Variants in GRIN3B observed in about 807,000 individuals in gnomAD.
GRIN3B encodes the protein glutamate receptor ionotropic, NMDA 3B.
Under a neutral mutation model 66.0 loss-of-function variants are expected in GRIN3B, and 77 were observed. The ratio of observed to expected loss-of-function variants is 1.17; its 90% CI spans 0.97 to 1.41. The LOEUF is 1.41. GRIN3B is among the 40% of genes most tolerant of loss of function. The pLI, the probability that GRIN3B is intolerant of heterozygous loss-of-function variation, is 0.00. For missense variants in GRIN3B, 1,787 were observed against 1,564.5 expected (o/e 1.14, Z -2.40); for synonymous variants, 823 against 749.7 (o/e 1.10, Z -1.60).
chr19:1,000,911 C>G (rs925376109), intron 1 of GRIN3B, 48 bp downstream of exon 1: 2 of 1,339,340 alleles, frequency 1.5e-6, no homozygotes, highest in Non-Finnish European at 1.9e-6. Flanking sequence ...GGGGCGGGAG[C>G]GGGGTCGGGA....
chr19:1,000,725 G>A lies in GRIN3B; in HGVS notation c.288G>A (p.Val96=), dbSNP rs532635834. The A allele has an allele frequency of 0.01, 14,766 of 1,427,442 alleles. 101 individuals carry two copies. Among genetic ancestry groups the A allele is most frequent in the Non-Finnish European group, 0.01 (11,432 of 1,093,362 alleles). The allele number at this position is 1,427,442 out of a possible 1,614,324, so 88.4% of individuals were successfully genotyped here. A position where few individuals can be genotyped will look rare whatever the true frequency, so the allele number is the denominator to read the frequency against. ...SLTRGLCQAL[V]PPGVAALLAF... ...CCCGCGGCCTGTGCCAGGCGCTGGT[G>A]CCTCCGGGCGTGGCGGCCCTGCTCG... Residue 96 remains valine, a synonymous_variant, in exon 1 of 9, where the codon GTG becomes GTA. Coordinates refer to ENST00000234389, the MANE Select transcript of GRIN3B (RefSeq NM_138690.3).
rs11671828 is a variant in GRIN3B, at chr19:1,005,599, T to C, written c.2052+46T>C. On this transcript the variant is annotated intron_variant, in intron 3 of 8. Transcript: ENST00000234389. This position sits in a 1 kb window ranked among gnomAD's most constrained non-coding sequence, Gnocchi z 5.2. Reference sequence around the variant, plus strand: ...GCGGGTGGCCTTGGGGGGCTAGCGGTGGCCCCGGGCTGGGCTGTGTGGGGC... The same window carrying C: ...GCGGGTGGCCTTGGGGGGCTAGCGGCGGCCCCGGGCTGGGCTGTGTGGGGC... 0.37 allele frequency: 542,279 copies of C among 1,463,642 alleles called. 102,587 individuals carry two copies. Among genetic ancestry groups the C allele is most frequent in the Non-Finnish European group, 0.38 (420,601 of 1,092,840 alleles). The allele number at this position is 1,463,642 out of a possible 1,614,324, so 90.7% of individuals were successfully genotyped here. A position where few individuals can be genotyped will look rare whatever the true frequency, so the allele number is the denominator to read the frequency against.
chr19:1,005,647 A>G lies in GRIN3B; in HGVS notation c.2052+94A>G, dbSNP rs2038741351. 1.0e-6 allele frequency: 1 copy of G among 974,206 alleles called. No individual in the cohort carries two copies. The highest frequency in any genetic ancestry group is 1.7e-5 in the South Asian group (1 of 58,504). The allele number at this position is 974,206 out of a possible 1,614,324, so 60.3% of individuals were successfully genotyped here. ...GGCAGGGGTGGTCAGCTGGACGTGG[A>G]GGACGTCCACTAGGCCAACTCTGGT... is the stretch of plus-strand genomic sequence containing the variant. On this transcript the variant is annotated intron_variant, in intron 3 of 8. Transcript: ENST00000234389. This position sits in a 1 kb window ranked among gnomAD's most constrained non-coding sequence, Gnocchi z 5.2.
Position 1,000,792 on chromosome 19 carries a change from C to T in GRIN3B, c.355C>T (p.Leu119=), listed in dbSNP as rs1362248341. ...GCCCGAGCTGCTGCAGCTGCACTTC[C>T]TGGCGGCGGCCACCGAGACCCCCGT... is the stretch of plus-strand genomic sequence containing the variant. ...ARPELLQLHF[L]AAATETPVLS... The change falls in exon 1 of 9, where the codon CTG becomes TTG. Residue 119 remains leucine (L), a synonymous_variant. Coordinates refer to ENST00000234389, the MANE Select transcript of GRIN3B (RefSeq NM_138690.3). 7.0e-7 allele frequency: 1 copy of T among 1,435,908 alleles called. No individual in the cohort carries two copies. The highest frequency in any genetic ancestry group is 2.9e-5 in the Admixed American group (1 of 34,562). The allele number at this position is 1,435,908 out of a possible 1,614,324, so 88.9% of individuals were successfully genotyped here.
rs376554166 is a variant in GRIN3B at position 1,008,817 on chromosome 19, C to G, written c.2631+35C>G. ...GGGTGGGCGGCGGGCGGCCCCACCCCCCCCGCCTCCTCGCCAACCGGGTCT... is the reference window on the plus strand; with the variant it reads ...GGGTGGGCGGCGGGCGGCCCCACCCGCCCCGCCTCCTCGCCAACCGGGTCT... On this transcript the variant is annotated intron_variant, in intron 7 of 8. Coordinates refer to ENST00000234389, the MANE Select transcript of GRIN3B (RefSeq NM_138690.3). 126 of 1,591,438 alleles carry G rather than the reference C, an allele frequency of 7.9e-5. No homozygotes were observed. The African/African-American group carries it at 1.5e-3, about 19-fold the overall frequency.
Position 1,009,187 on chromosome 19 carries a change from AGC to A in GRIN3B, c.2718_2719del (p.Gln907AlafsTer88), listed in dbSNP as rs2038806886. 2.6e-6 allele frequency: 3 copies of A among 1,145,106 alleles called. No homozygotes were observed. The highest frequency in any genetic ancestry group is 3.4e-6 in the Non-Finnish European group (3 of 891,952). The allele number at this position is 1,145,106 out of a possible 1,614,324, so 70.9% of individuals were successfully genotyped here. A position where few individuals can be genotyped will look rare whatever the true frequency, so the allele number is the denominator to read the frequency against. On this transcript the variant is annotated frameshift_variant, in exon 9 of 9. Transcript: ENST00000234389. LOFTEE classifies it low-confidence loss of function (END_TRUNC). ...TCCGTCCCCAGCGGCCCCGAGGTGGAGCAGCAGCAGCAGCAGCAGGACCAGCC... is the reference window on the plus strand; with the variant it reads ...TCCGTCCCCAGCGGCCCCGAGGTGGAAGCAGCAGCAGCAGCAGGACCAGCC...
chr19:1,007,764 C>A lies in GRIN3B; in HGVS notation c.2189C>A (p.Ala730Asp). 2.0e-6 allele frequency: 3 copies of A among 1,516,856 alleles called. No individual in the cohort carries two copies. Among genetic ancestry groups the A allele is most frequent in the Non-Finnish European group, 2.6e-6 (3 of 1,133,334 alleles). 94.0% of individuals were successfully genotyped at this position (1,516,856 alleles called of 1,614,324 possible). Residue 730 changes from alanine (A) to aspartate (D), a missense_variant, in exon 4 of 9, where the codon GCC becomes GAC. Physicochemically the swap from Ala to Asp is moderately radical, Grantham distance 126 (BLOSUM62 -2). Coordinates refer to ENST00000234389, the MANE Select transcript of GRIN3B (RefSeq NM_138690.3). This position sits in a 1 kb window ranked among gnomAD's most constrained non-coding sequence, Gnocchi z 4.4. ...GCGCCCACCACGCCCCGCGGCGTCG[C>A]CATGCTCACGTGAGCCCGGGCGCGG... The part of the protein sequence containing the change: ...HSAPTTPRGV[A>D]MLTSDPPKLN...
rs1344137404 is a variant in GRIN3B, at chr19:1,008,796, G to A, written c.2631+14G>A. The A allele has an allele frequency of 6.3e-7, 1 of 1,592,752 alleles. No individual in the cohort carries two copies. The highest frequency in any genetic ancestry group is 8.5e-7 in the Non-Finnish European group (1 of 1,171,242). The stretch of plus-strand genomic sequence containing the variant: ...CACACCAGCCAGGTGGGGAGCGGGT[G>A]GGCGGCGGGCGGCCCCACCCCCCCC... On this transcript the variant is annotated intron_variant, in intron 7 of 8. Coordinates refer to ENST00000234389, the MANE Select transcript of GRIN3B (RefSeq NM_138690.3).
In GRIN3B at chr19:1,003,374, C is replaced by T. The variant is rs368703396; in HGVS notation, c.671C>T (p.Ala224Val). ...GLRARLAPMA[A>V]PVGGEAPVPA... Reference sequence around the variant, plus strand: ...CGGGCACGCCTGGCCCCGATGGCGGCGCCAGTGGGGGGTGAAGCACCGGTA... The same window carrying T: ...CGGGCACGCCTGGCCCCGATGGCGGTGCCAGTGGGGGGTGAAGCACCGGTA... The change falls in exon 2 of 9, where the codon GCG becomes GTG. Residue 224 changes from alanine (A) to valine (V), a missense_variant. Coordinates refer to ENST00000234389, the MANE Select transcript of GRIN3B (RefSeq NM_138690.3). 3.2e-5 allele frequency: 50 copies of T among 1,570,150 alleles called. No homozygotes were observed. The highest frequency in any genetic ancestry group is 1.3e-4 in the Admixed American group (7 of 54,024).
chr19:1,008,803 G>GGGCGGCC (rs1568394001), intron 7 of GRIN3B, 21 bp downstream of exon 7: 18 of 1,595,130 alleles, frequency 1.1e-5, no homozygotes, highest in Non-Finnish European at 1.5e-5. Flanking sequence ...GGTGGGCGGC[G>GGGCGGCC]GGCGGCCCCA....
In GRIN3B at chr19:1,009,313, C is replaced by A; in HGVS notation, c.2843C>A (p.Ala948Glu). The change falls in exon 9 of 9, where the codon GCG (alanine) becomes GAG (glutamate). Residue 948 changes from alanine (A) to glutamate (E), a missense_variant. Ala to Glu is a moderately radical substitution (Grantham distance 107). Coordinates refer to ENST00000234389, the MANE Select transcript of GRIN3B (RefSeq NM_138690.3). ...LEPAVVVAPEADAEAEAAPRE... is the reference protein window; with the variant it reads ...LEPAVVVAPEEDAEAEAAPRE... ...CCCGCCGTGGTTGTGGCACCCGAAGCGGACGCGGAGGCGGAGGCTGCGCCG... is the reference window on the plus strand; with the variant it reads ...CCCGCCGTGGTTGTGGCACCCGAAGAGGACGCGGAGGCGGAGGCTGCGCCG... 7.1e-7 allele frequency: 1 copy of A among 1,406,098 alleles called. No individual in the cohort carries two copies. The allele number at this position is 1,406,098 out of a possible 1,614,324, so 87.1% of individuals were successfully genotyped here.
intron 3 of GRIN3B, among the ~76,000 whole-genome samples, chr19:1,006,445 G>A (rs1012493291): frequency 2.0e-5 from 3 of 151,852 alleles, no homozygotes; most frequent in Non-Finnish European, 4.4e-5. Context: ...CATCTGGCCC[G>A]TATTATTATT....
At position 1,003,683 on chromosome 19, in the gene GRIN3B, A is replaced by C. The variant is rs909035620; in HGVS notation, c.980A>C (p.Gln327Pro). The change falls in exon 2 of 9, where the codon CAG becomes CCG. Residue 327 changes from glutamine (Q) to proline (P), a missense_variant. Gln to Pro is a moderately conservative substitution (Grantham distance 76). Transcript: ENST00000234389. ...GCCCCGGTCAACTGCGGGGACCTGC[A>C]GCCGGCCGGGCCCGAGTCCCCGGGG... ...LPAPVNCGDL[Q>P]PAGPESPGRF... 3.2e-5 allele frequency: 45 copies of C among 1,407,264 alleles called. No homozygotes were observed. Among genetic ancestry groups the C allele is most frequent in the Middle Eastern group, 2.0e-4 (1 of 4,880 alleles). The allele number at this position is 1,407,264 out of a possible 1,614,324, so 87.2% of individuals were successfully genotyped here. A position where few individuals can be genotyped will look rare whatever the true frequency, so the allele number is the denominator to read the frequency against.
At chr19:1,003,896 G>T (rs1053257376) in intron 2 of GRIN3B, among the ~76,000 whole-genome samples, 174 bp downstream of exon 2, 1 of 152,262 alleles carries the variant, frequency 6.6e-6, no homozygotes, top group Admixed American at 6.5e-5. Flanking sequence ...AGACCAGCCC[G>T]GCCAACATGG....
At chr19:1,002,363 CAAAA>C (rs71335327) in intron 1 of GRIN3B, among the ~76,000 whole-genome samples, 6,915 of 74,686 alleles carry the variant, frequency 0.093, 280 homozygotes, top group East Asian at 0.23. Flanking sequence ...ACTAAAAATA[CAAAA>C]AAAAAAAAAA....
chr19:1,007,950 G>C lies in GRIN3B; in HGVS notation c.2293G>C (p.Gly765Arg). Residue 765 changes from glycine to arginine, a missense_variant, in exon 5 of 9, where the codon GGA becomes CGA. Physicochemically the swap from Gly to Arg is moderately radical, Grantham distance 125. Coordinates refer to ENST00000234389, the MANE Select transcript of GRIN3B (RefSeq NM_138690.3). This position sits in a 1 kb window ranked among gnomAD's most constrained non-coding sequence, Gnocchi z 4.4. Reference sequence around the variant, plus strand: ...CGCCGACTGCAAACTGCTGACCGTGGGAAAGCCCTTCGCCATTGAGGGTGA... The same window carrying C: ...CGCCGACTGCAAACTGCTGACCGTGCGAAAGCCCTTCGCCATTGAGGGTGA... The part of the protein sequence containing the change: ...IDADCKLLTV[G>R]KPFAIEGYGI... 6.2e-7 allele frequency: 1 copy of C among 1,612,174 alleles called. No homozygotes were observed. Among genetic ancestry groups the C allele is most frequent in the Admixed American group, 1.7e-5 (1 of 60,006 alleles).
intron 3 of GRIN3B, among the ~76,000 whole-genome samples, chr19:1,006,352 G>A (rs933908279): frequency 1.8e-4 from 28 of 151,572 alleles, no homozygotes; most frequent in Admixed American, 9.9e-4. Context: ...TCACCATGTT[G>A]GCCAGGCTGG....
intron 3 of GRIN3B, among the ~76,000 whole-genome samples, chr19:1,006,825 C>T (rs2038753886): frequency 2.0e-5 from 3 of 152,246 alleles, no homozygotes; most frequent in African/African-American, 7.2e-5. Flanking sequence ...CCGTCAAAGC[C>T]TTTTCATCAT....
chr19:1,004,823 C>A lies in GRIN3B; in HGVS notation c.1322C>A (p.Ala441Glu). ...RDPDEDGQCP[A>E]GQLCLDPGTN... ...CCAGACGAAGACGGGCAGTGCCCAG[C>A]GGGGCAGCTGTGCCTGGACCCTGGC... Residue 441 changes from alanine to glutamate, a missense_variant, in exon 3 of 9, where the codon GCG becomes GAG. Ala to Glu is a moderately radical substitution (Grantham distance 107). Transcript: ENST00000234389. 2 of 1,612,646 alleles carry A rather than the reference C, an allele frequency of 1.2e-6. No individual in the cohort carries two copies. The highest frequency in any genetic ancestry group is 1.7e-6 in the Non-Finnish European group (2 of 1,179,492).
Sources: allele counts gnomAD v4.1 joint callset (sites outside exome capture counted in the v4.1 genomes callset), GRCh38; gene constraint gnomAD v4.1.1; non-coding constraint Gnocchi (gnomAD v3.1); transcripts MANE v1.5; gene names NCBI Gene and HGNC (gene_info 2026-07-23, HGNC 2026-07-21).